The following CNTNAP2 variants were observed in gnomAD, a reference collection of about 807,000 sequenced individuals.
CNTNAP2 encodes contactin associated protein 2.
In CNTNAP2, 98 loss-of-function variants were observed where a neutral mutation model predicts 155.2. The observed-to-expected ratio is 0.63, with a 90% CI of 0.54 to 0.75. The LOEUF (loss-of-function observed/expected upper bound fraction) is 0.75. Ranked by LOEUF, CNTNAP2 falls within the 30% of genes least tolerant of loss-of-function variation. The probability of loss-of-function intolerance (pLI) is 0.00; values close to 1 mark genes in which losing one functional copy is unlikely to be tolerated. For missense variants in CNTNAP2, 1,727 were observed against 1,688.1 expected, an observed-to-expected ratio of 1.02 and a Z score of -0.40; for synonymous variants, 651 against 631.2, an observed-to-expected ratio of 1.03 and a Z score of -0.47.
In CNTNAP2 at chr7:148,420,963, A is replaced by C. The variant is rs1800101549; in HGVS notation, c.*5347A>C. On this transcript the variant is annotated 3_prime_UTR_variant, in exon 24 of 24. Coordinates refer to ENST00000361727, the MANE Select transcript of CNTNAP2 (RefSeq NM_014141.6). ...AATTATATTAGAAACCAGATTGATA[A>C]ATAAAAAATTCAAAGTAGTTTTAAT... 6.8e-6 allele frequency: 1 copy of C among 146,602 alleles called. No homozygotes were observed. The highest frequency in any genetic ancestry group is 6.6e-5 in the Admixed American group (1 of 15,060). The allele number at this position is 146,602 out of a possible 1,614,324, so 9.1% of individuals were successfully genotyped here.
At chr7:146,140,341 A>G (rs1245022196) in intron 1 of CNTNAP2, among the ~76,000 whole-genome samples, 1 of 152,072 alleles carries the variant, frequency 6.6e-6, no homozygotes, top group African/African-American at 2.4e-5. Context: ...TCCATCTCCT[A>G]TTCATGCACA....
At chr7:148,116,094 G>A (rs1294131785) in intron 15 of CNTNAP2, among the ~76,000 whole-genome samples, 2 of 150,876 alleles carry the variant, frequency 1.3e-5, no homozygotes, top group East Asian at 1.9e-4. Flanking sequence ...AGCCTAGATC[G>A]TGCCACTGCA....
At chr7:148,252,120 G>A (rs1197972475) in intron 20 of CNTNAP2, among the ~76,000 whole-genome samples, 2 of 152,212 alleles carry the variant, frequency 1.3e-5, no homozygotes, top group African/African-American at 2.4e-5. Flanking sequence ...TCCAATTTGG[G>A]AATTGAATGT....
In CNTNAP2 at chr7:146,661,901, C is replaced by T. The variant is rs114948715; in HGVS notation, c.98-112370C>T. On this transcript the variant is annotated intron_variant, in intron 1 of 23. Transcript: ENST00000361727. Reference sequence around the variant, plus strand: ...TGAGAAAATAACAAACATGGTTATACCATTTTGCATTTCTAGCCAAAAAAT... The same window carrying T: ...TGAGAAAATAACAAACATGGTTATATCATTTTGCATTTCTAGCCAAAAAAT... 1.6e-3 allele frequency among the ~76,000 whole-genome samples: 242 copies of T among 152,042 alleles called. 1 individual carries two copies. The highest frequency in any genetic ancestry group is 6.8e-3 in the Middle Eastern group (2 of 294).
At chr7:146,235,887 T>C (rs866746250) in intron 1 of CNTNAP2, among the ~76,000 whole-genome samples, 2 of 152,146 alleles carry the variant, frequency 1.3e-5, no homozygotes, top group Non-Finnish European at 2.9e-5. Flanking sequence ...AGACTTGTCT[T>C]ATAACCAATT....
At chr7:147,469,506 A>ATTTTTTTTCTTTTTTTTTTT (rs1798175699) in intron 10 of CNTNAP2, among the ~76,000 whole-genome samples, 1 of 79,104 alleles carries the variant, frequency 1.3e-5, no homozygotes, top group Non-Finnish European at 2.4e-5. Flanking sequence ...TCAGGCTGCA[A>ATTTTTTTTCTTTTTTTTTTT]TTTTTTTTTT....
At chr7:146,538,932 C>T (rs1277977352) in intron 1 of CNTNAP2, among the ~76,000 whole-genome samples, 1 of 151,970 alleles carries the variant, frequency 6.6e-6, no homozygotes, top group Non-Finnish European at 1.5e-5. Flanking sequence ...GGTACTAGGT[C>T]ATTTTCATTT....
intron 1 of CNTNAP2, among the ~76,000 whole-genome samples, chr7:146,536,802 C>T (rs1033211095): frequency 2.6e-5 from 4 of 151,954 alleles, no homozygotes; most frequent in African/African-American, 9.7e-5. Flanking sequence ...TGAAAACGTA[C>T]CACAGATAAT....
chr7:147,268,326 C>T (rs1388898124), intron 8 of CNTNAP2, among the ~76,000 whole-genome samples: 1 of 152,120 alleles, frequency 6.6e-6, no homozygotes, highest in Non-Finnish European at 1.5e-5. Context: ...GACTTCTAAA[C>T]TCTATGCAGC....
At chr7:146,957,837 G>T (rs1202192211) in intron 3 of CNTNAP2, among the ~76,000 whole-genome samples, 1 of 151,914 alleles carries the variant, frequency 6.6e-6, no homozygotes, top group African/African-American at 2.4e-5. Context: ...GATTTATATG[G>T]GTGTACATAA....
chr7:147,482,547 T>C (rs1207148944), intron 10 of CNTNAP2, among the ~76,000 whole-genome samples: 1 of 151,434 alleles, frequency 6.6e-6, no homozygotes, highest in Non-Finnish European at 1.5e-5. Context: ...TGAAACCCCG[T>C]CCCTACAAAA....
chr7:146,224,470 G>A (rs186855611), intron 1 of CNTNAP2, among the ~76,000 whole-genome samples: 40 of 151,450 alleles, frequency 2.6e-4, no homozygotes, highest in African/African-American at 5.6e-4. Flanking sequence ...ATTTGGGGCC[G>A]GGCGCGATGG....
chr7:146,390,972 C>CAAAAATACAA (rs1447916291), intron 1 of CNTNAP2, among the ~76,000 whole-genome samples: 8 of 148,976 alleles, frequency 5.4e-5, no homozygotes, highest in Non-Finnish European at 8.9e-5. Context: ...GAGGCTGAGG[C>CAAAAATACAA]AGGAGAATTG....
chr7:147,472,852 T>C (rs1798249299), intron 10 of CNTNAP2, among the ~76,000 whole-genome samples: 2 of 152,308 alleles, frequency 1.3e-5, no homozygotes, highest in South Asian at 4.1e-4. Flanking sequence ...ATATGTTTGA[T>C]CATATTCACC....
intron 3 of CNTNAP2, among the ~76,000 whole-genome samples, chr7:146,976,334 G>C (rs925536206): frequency 2.6e-5 from 4 of 152,098 alleles, no homozygotes; most frequent in African/African-American, 9.7e-5. Flanking sequence ...TATCTGGAGA[G>C]AGCCTCAGAT....
chr7:146,826,851 T>TAGAGAGAG (rs1437184151), intron 2 of CNTNAP2, among the ~76,000 whole-genome samples: 5 of 142,510 alleles, frequency 3.5e-5, no homozygotes, highest in African/African-American at 1.4e-4. Flanking sequence ...TATATATATA[T>TAGAGAGAG]ATATATAGAG....
intron 1 of CNTNAP2, among the ~76,000 whole-genome samples, chr7:146,746,307 G>T (rs1563214086): frequency 6.6e-6 from 1 of 151,996 alleles, no homozygotes; most frequent in African/African-American, 2.4e-5. Flanking sequence ...AAAGTATTTT[G>T]TTTCTATTTG....
chr7:147,552,570 C>G (rs1360123302), intron 11 of CNTNAP2, among the ~76,000 whole-genome samples: 1 of 126,428 alleles, frequency 7.9e-6, no homozygotes, highest in Non-Finnish European at 1.6e-5. Context: ...TTACTTTCCT[C>G]AACACACACA....
At chr7:147,725,058 A>G (rs532628153) in intron 13 of CNTNAP2, among the ~76,000 whole-genome samples, 28 of 152,100 alleles carry the variant, frequency 1.8e-4, no homozygotes, top group African/African-American at 6.5e-4. Context: ...ATGGTGTTGG[A>G]TTGTAGTCCC....
Sources: gnomAD v4.1 joint callset for allele counts (sites outside exome capture counted in the v4.1 genomes callset) on GRCh38, gnomAD v4.1.1 for gene constraint, MANE v1.5 for transcripts, NCBI Gene and HGNC (gene_info 2026-07-23, HGNC 2026-07-21) for gene names.